Variants in MCCC2 observed in about 807,000 individuals in gnomAD.
MCCC2 encodes the protein methylcrotonyl-CoA carboxylase subunit 2.
MCCC2 carries 52 observed loss-of-function variants against 77.2 expected under a neutral mutation model. The ratio of observed to expected loss-of-function variants is 0.67; its 90% CI spans 0.54 to 0.85. The LOEUF is 0.85. MCCC2 is among the 40% of genes least tolerant of loss of function. The pLI is 0.00. For synonymous variants in MCCC2, 253 were observed against 248.4 expected (o/e 1.02, Z -0.18); for missense variants, 682 against 703.2 (o/e 0.97, Z 0.34).
intron 6 of MCCC2, among the ~76,000 whole-genome samples, chr5:71,606,317 A>G (rs1213576113): frequency 1.3e-5 from 2 of 151,198 alleles, no homozygotes; most frequent in Non-Finnish European, 2.9e-5. Context: ...ATTCCTAGGT[A>G]TTTTATTCTC....
chr5:71,606,890 A>G (rs368785437), intron 6 of MCCC2, among the ~76,000 whole-genome samples: 2 of 150,810 alleles, frequency 1.3e-5, no homozygotes, highest in African/African-American at 2.4e-5. Flanking sequence ...ACTGATTTGC[A>G]TATATTGAAC....
intron 6 of MCCC2, among the ~76,000 whole-genome samples, chr5:71,614,356 T>C (rs1428401818): frequency 6.6e-6 from 1 of 152,166 alleles, no homozygotes; most frequent in Non-Finnish European, 1.5e-5. Flanking sequence ...ATTAATTTTC[T>C]TGGGCAAGGC....
intron 6 of MCCC2, among the ~76,000 whole-genome samples, chr5:71,624,181 G>C (rs182804055): frequency 6.6e-6 from 1 of 152,086 alleles, no homozygotes; most frequent in Non-Finnish European, 1.5e-5. Flanking sequence ...GGGGAGGGGG[G>C]GCCCTACCTC....
At chr5:71,595,237 TTGA>T (rs1251066245) in intron 2 of MCCC2, among the ~76,000 whole-genome samples, 1 of 150,944 alleles carries the variant, frequency 6.6e-6, no homozygotes, top group Non-Finnish European at 1.5e-5. Flanking sequence ...AGCCAGGTGT[TTGA>T]AACCAGCCTG....
intron 10 of MCCC2, among the ~76,000 whole-genome samples, chr5:71,637,165 A>G (rs149695243): frequency 6.6e-6 from 1 of 152,326 alleles, no homozygotes; most frequent in African/African-American, 2.4e-5. Flanking sequence ...TTCCTAAGAA[A>G]TTTTCAAATA....
intron 4 of MCCC2, among the ~76,000 whole-genome samples, chr5:71,601,886 G>A (rs1222703876): frequency 6.6e-6 from 1 of 152,120 alleles, no homozygotes; most frequent in Non-Finnish European, 1.5e-5. Context: ...TGGTTTTGGT[G>A]AGAAAGGGCA....
At chr5:71,636,292 G>T (rs1746926278) in intron 10 of MCCC2, 1 of 162,076 alleles carries the variant, frequency 6.2e-6, no homozygotes, top group African/African-American at 2.4e-5. Flanking sequence ...TGAGCTTCAA[G>T]TGATACTTCA....
At chr5:71,647,281 G>C (rs1747296633) in intron 13 of MCCC2, among the ~76,000 whole-genome samples, 1 of 152,186 alleles carries the variant, frequency 6.6e-6, no homozygotes, top group Non-Finnish European at 1.5e-5. Flanking sequence ...AGTCAACAGG[G>C]CTTGAAATAG....
At chr5:71,627,660 A>G (rs1199119887) in intron 7 of MCCC2, among the ~76,000 whole-genome samples, 2 of 152,130 alleles carry the variant, frequency 1.3e-5, no homozygotes, top group Non-Finnish European at 2.9e-5. Context: ...TATCCAATAC[A>G]TGTTTTACAT....
At chr5:71,644,273 G>A (rs180923190) in intron 12 of MCCC2, among the ~76,000 whole-genome samples, 1 of 152,232 alleles carries the variant, frequency 6.6e-6, no homozygotes, top group Admixed American at 6.5e-5. Context: ...TGTCCTGAAA[G>A]TGCTTCATGT....
intron 15 of MCCC2, 41 bp downstream of exon 15, chr5:71,650,224 T>A: frequency 1.3e-6 from 2 of 1,575,034 alleles, no homozygotes; most frequent in Non-Finnish European, 1.7e-6. Flanking sequence ...GTTTTGCCTC[T>A]CACCATAAAC....
chr5:71,594,315 A>C (rs1372950471), intron 2 of MCCC2, among the ~76,000 whole-genome samples: 2 of 152,004 alleles, frequency 1.3e-5, no homozygotes, highest in Admixed American at 1.3e-4. Flanking sequence ...GATCACATGA[A>C]GTCAGGAGTT....
At chr5:71,655,416 G>C (rs1422077384) in intron 16 of MCCC2, among the ~76,000 whole-genome samples, 1 of 152,150 alleles carries the variant, frequency 6.6e-6, no homozygotes, top group Non-Finnish European at 1.5e-5. Flanking sequence ...CTGCTCAGTT[G>C]TTTTTATAAT....
chr5:71,613,998 ATATG>A (rs1313573368), intron 6 of MCCC2, among the ~76,000 whole-genome samples: 1 of 150,076 alleles, frequency 6.7e-6, no homozygotes, highest in Middle Eastern at 3.2e-3. Context: ...TATTATATAT[ATATG>A]GTTCATATTA....
At chr5:71,653,593 T>C (rs143979045) in intron 16 of MCCC2, among the ~76,000 whole-genome samples, 2 of 152,236 alleles carry the variant, frequency 1.3e-5, no homozygotes, top group Non-Finnish European at 2.9e-5. Flanking sequence ...CTCACACTTA[T>C]AATCCCAGCA....
intron 10 of MCCC2, among the ~76,000 whole-genome samples, chr5:71,640,056 G>A (rs1377326355): frequency 6.6e-6 from 1 of 152,124 alleles, no homozygotes; most frequent in Non-Finnish European, 1.5e-5. Flanking sequence ...TATGCTTCCT[G>A]TTTAGAACTC....
intron 8 of MCCC2, among the ~76,000 whole-genome samples, chr5:71,632,861 G>T (rs1282814638): frequency 6.6e-6 from 1 of 152,028 alleles, no homozygotes; most frequent in African/African-American, 2.4e-5. Flanking sequence ...GAGTGCAGGG[G>T]TAAGAAGACC....
At chr5:71,608,529 C>G (rs1258575585) in intron 6 of MCCC2, among the ~76,000 whole-genome samples, 5 of 150,056 alleles carry the variant, frequency 3.3e-5, no homozygotes, top group South Asian at 2.1e-4. Context: ...ACTCTTTATC[C>G]AGTTTGCCAG....
intron 6 of MCCC2, among the ~76,000 whole-genome samples, chr5:71,610,347 C>A (rs1355238893): frequency 1.3e-5 from 2 of 152,174 alleles, no homozygotes; most frequent in Admixed American, 1.3e-4. Flanking sequence ...GCGTCCGTCA[C>A]CCCTTTCTTT....
Sources: gnomAD v4.1 joint callset for allele counts (sites outside exome capture counted in the v4.1 genomes callset) on GRCh38, gnomAD v4.1.1 for gene constraint, MANE v1.5 for transcripts, NCBI Gene and HGNC (gene_info 2026-07-23, HGNC 2026-07-21) for gene names.